Variants in HK1 observed in about 807,000 individuals in gnomAD.
HK1 encodes hexokinase-1.
A neutral mutation model predicts 91.6 loss-of-function variants in HK1; 28 were observed. That is an observed-to-expected ratio of 0.31 (90% CI 0.23 to 0.42). The LOEUF (loss-of-function observed/expected upper bound fraction) is 0.42, where lower values mean the gene tolerates loss of function less well. Ranked by LOEUF, HK1 falls within the 10% of genes least tolerant of loss-of-function variation. The pLI is 1.00. For synonymous variants in HK1, 430 were observed against 468.1 expected (o/e 0.92, Z 1.05); for missense variants, 770 against 1,219.8 (o/e 0.63, Z 5.49).
chr10:69,378,790 C>A (rs1839244279), intron 8 of HK1, among the ~76,000 whole-genome samples: 1 of 152,114 alleles, frequency 6.6e-6, no homozygotes, highest in Non-Finnish European at 1.5e-5. Flanking sequence ...ATTTTTTGGT[C>A]AGGTAGAATT....
chr10:69,315,370 A>G (rs58151716), upstream of HK1, among the ~76,000 whole-genome samples: 3,109 of 152,264 alleles, frequency 0.02, 107 homozygotes, highest in African/African-American at 0.069. Context: ...TTGTCTTATA[A>G]GCAGGTGCGT....
chr10:69,315,324 T>C (rs77121486), upstream of HK1, among the ~76,000 whole-genome samples: 2,131 of 152,274 alleles, frequency 0.014, 51 homozygotes, highest in African/African-American at 0.049. Context: ...CAGATGGGAA[T>C]TGGTACAGAC....
intron 1 of HK1, among the ~76,000 whole-genome samples, chr10:69,332,564 G>A (rs1477101183): frequency 6.6e-6 from 1 of 151,734 alleles, no homozygotes; most frequent in Non-Finnish European, 1.5e-5. Flanking sequence ...TATAGTTTTA[G>A]TAGAGACGGG....
At chr10:69,318,711 C>T (rs978056202), upstream of HK1, 7 of 711,318 alleles carry the variant, frequency 9.8e-6, no homozygotes, top group Non-Finnish European at 1.4e-5. Flanking sequence ...TGCAGAGGCG[C>T]GCCGCAACCA....
rs1849909076 is a variant in HK1, at chr10:69,369,872, G to A, written c.875+248G>A. Among the ~76,000 whole-genome samples the A allele has an allele frequency of 6.6e-6, 1 of 152,052 alleles. No individual in the cohort carries two copies. Among genetic ancestry groups the A allele is most frequent in the South Asian group, 2.1e-4 (1 of 4,806 alleles). ...TCCTGCCTTAGCCTCCAAGTAGCTG[G>A]GATTACAGGCATGCATCACCATGCC... On this transcript the variant is annotated intron_variant, in intron 7 of 17. Transcript: ENST00000359426. The surrounding 1 kb of genome is among the most constrained non-coding windows in gnomAD (Gnocchi z 4.4).
intron 1 of HK1, among the ~76,000 whole-genome samples, chr10:69,340,584 G>A (rs1370376100): frequency 2.0e-5 from 3 of 152,148 alleles, no homozygotes; most frequent in Non-Finnish European, 4.4e-5. Context: ...TTAGAGGTGC[G>A]ATATCACTAT....
chr10:69,394,676 G>A (rs922025714), intron 15 of HK1, among the ~76,000 whole-genome samples: 5 of 152,188 alleles, frequency 3.3e-5, no homozygotes, highest in African/African-American at 7.2e-5. Flanking sequence ...AGTGACCTTG[G>A]GGCTGAGAGC....
intron 14 of HK1, among the ~76,000 whole-genome samples, chr10:69,390,355 T>C (rs1839841306): frequency 1.3e-5 from 2 of 152,360 alleles, no homozygotes; most frequent in African/African-American, 4.8e-5. Flanking sequence ...GCCCGTTTCC[T>C]GGCACCAGGC....
At chr10:69,368,345 A>G (rs1849812640) in intron 4 of HK1, among the ~76,000 whole-genome samples, 191 bp from the exon 5 acceptor site, 1 of 152,234 alleles carries the variant, frequency 6.6e-6, no homozygotes, top group Non-Finnish European at 1.5e-5. Flanking sequence ...TTGCCCCCAG[A>G]GAAGCCCATT....
intron 1 of HK1, among the ~76,000 whole-genome samples, chr10:69,274,298 A>G (rs1844329201): frequency 1.3e-5 from 2 of 152,058 alleles, no homozygotes; most frequent in Admixed American, 1.3e-4. Flanking sequence ...TTCAAATTTT[A>G]ATTTAAAAAA....
In HK1 at chr10:69,393,587, G is replaced by A. The variant is rs188068538; in HGVS notation, c.2219+1279G>A. 8.5e-5 allele frequency among the ~76,000 whole-genome samples: 13 copies of A among 152,372 alleles called. No homozygotes were observed. In the East Asian group the frequency reaches 2.1e-3, roughly 25 times the overall value. ...GCTGGGATTATAGGCGTGAGCCACC[G>A]TGCCCAGTGGCCTTTAAGGTCTTTA... On this transcript the variant is annotated intron_variant, in intron 15 of 17. Transcript: ENST00000359426.
chr10:69,369,456 C>G lies in HK1; in HGVS notation c.707C>G (p.Ala236Gly), dbSNP rs1279189043. 6.2e-7 allele frequency: 1 copy of G among 1,614,126 alleles called. No homozygotes were observed. ...TCCTGCCCAGGCACTGGCACCAATG[C>G]TTGCTACATGGAGGAACTGAGGCAC... ...VGLIIGTGTN[A>G]CYMEELRHID... The change falls in exon 7 of 18, where the codon GCT becomes GGT. Residue 236 changes from alanine (A) to glycine (G), a missense_variant. Ala to Gly is a moderately conservative substitution (Grantham distance 60). This residue lies in a region of HK1 where 449 missense variants were observed against 665.1 expected (regional missense o/e 0.68). Coordinates refer to ENST00000359426, the MANE Select transcript of HK1 (RefSeq NM_000188.3). This position sits in a 1 kb window ranked among gnomAD's most constrained non-coding sequence, Gnocchi z 4.4.
chr10:69,281,639 G>A (rs12253579), intron 1 of HK1, among the ~76,000 whole-genome samples: 9 of 152,220 alleles, frequency 5.9e-5, no homozygotes, highest in African/African-American at 2.2e-4. Flanking sequence ...TGATTTGTGT[G>A]ATTTCTTAAT....
chr10:69,281,513 T>C (rs547112196), intron 1 of HK1, among the ~76,000 whole-genome samples: 2 of 152,310 alleles, frequency 1.3e-5, no homozygotes, highest in African/African-American at 4.8e-5. Flanking sequence ...CTTAGACCAA[T>C]GTGTCCCAGA....
chr10:69,390,875 T>C (rs1181718196), intron 14 of HK1, among the ~76,000 whole-genome samples: 2 of 152,232 alleles, frequency 1.3e-5, no homozygotes, highest in East Asian at 3.8e-4. Context: ...GCACTCTTCC[T>C]GGGTTAGTTG....
intron 1 of HK1, among the ~76,000 whole-genome samples, chr10:69,329,985 T>C (rs1017681415): frequency 1.3e-5 from 2 of 151,518 alleles, no homozygotes; most frequent in South Asian, 4.2e-4. Context: ...TTTGTCTCCC[T>C]CTCCCATTCT....
rs1029177066 is a variant in HK1 at position 69,300,632 on chromosome 10, CACA to C, written c.-66-132_-66-130del. The C allele has an allele frequency of 1.8e-5, 13 of 733,110 alleles. 1 individual carries two copies. In the African/African-American group the frequency reaches 1.9e-4, roughly 11 times the overall value. 45.4% of individuals were successfully genotyped at this position (733,110 alleles called of 1,614,324 possible). The stretch of plus-strand genomic sequence containing the variant: ...ACTTGTTTAGACTGCCTGTGAGGTT[CACA>C]ACAATTTGCCTAGCTCTGTGATCAT... On this transcript the variant is annotated intron_variant, in intron 4 of 21. Transcript: ENST00000360289.
At chr10:69,294,744 C>A (rs982954674) in intron 3 of HK1, among the ~76,000 whole-genome samples, 4 of 152,106 alleles carry the variant, frequency 2.6e-5, no homozygotes, top group Admixed American at 6.6e-5. Context: ...TGCCTGTAAT[C>A]CCAACTACTC....
upstream of HK1, among the ~76,000 whole-genome samples, chr10:69,313,724 C>T (rs375507581): frequency 1.2e-4 from 18 of 151,964 alleles, no homozygotes; most frequent in Non-Finnish European, 5.9e-5. Context: ...CTCGAACTCC[C>T]GACCAGATGA....
Sources: gnomAD v4.1 joint callset for allele counts (sites outside exome capture counted in the v4.1 genomes callset) on GRCh38, gnomAD v4.1.1 for gene constraint, gnomAD v4.1.1 regional missense constraint, Gnocchi (gnomAD v3.1) non-coding constraint, MANE v1.5 for transcripts, NCBI Gene and HGNC (gene_info 2026-07-23, HGNC 2026-07-21) for gene names.